Variants in SPAG16 observed in about 807,000 individuals in gnomAD.
The protein encoded by SPAG16 is sperm associated antigen 16.
A neutral mutation model predicts 80.4 loss-of-function variants in SPAG16; 86 were observed. That is an observed-to-expected ratio of 1.07 (90% CI 0.90 to 1.28). The LOEUF is 1.28. Ranked by LOEUF, SPAG16 falls within the 50% of genes most tolerant of loss-of-function variation. The probability of loss-of-function intolerance (pLI) is 0.00; values close to 1 mark genes in which losing one functional copy is unlikely to be tolerated. For synonymous variants in SPAG16, 294 were observed against 265.9 expected (o/e 1.11, Z -1.03); for missense variants, 870 against 765.3 (o/e 1.14, Z -1.61).
intron 10 of SPAG16, among the ~76,000 whole-genome samples, chr2:213,770,856 G>A (rs776448194): frequency 3.9e-5 from 6 of 152,090 alleles, no homozygotes; most frequent in Non-Finnish European, 8.8e-5. Context: ...TCTTTATCCA[G>A]TCTATCATTG....
At chr2:214,196,081 G>A (rs747906696) in intron 15 of SPAG16, among the ~76,000 whole-genome samples, 2 of 151,864 alleles carry the variant, frequency 1.3e-5, no homozygotes, top group East Asian at 3.9e-4. Context: ...AAAATTTCAG[G>A]CCCTTAAAGA....
chr2:213,305,096 T>A (rs529752329), intron 3 of SPAG16, among the ~76,000 whole-genome samples: 1 of 152,288 alleles, frequency 6.6e-6, no homozygotes, highest in South Asian at 2.1e-4. Context: ...CTCACTTGAT[T>A]GGTTAAGTTA....
intron 13 of SPAG16, among the ~76,000 whole-genome samples, chr2:214,039,865 C>A (rs2048913582): frequency 6.6e-6 from 1 of 152,148 alleles, no homozygotes; most frequent in South Asian, 2.1e-4. Context: ...ACTTTAGGGG[C>A]TAGGGTTTTT....
At chr2:214,314,804 C>T (rs548742845) in intron 15 of SPAG16, among the ~76,000 whole-genome samples, 7 of 151,996 alleles carry the variant, frequency 4.6e-5, no homozygotes, top group African/African-American at 1.4e-4. Flanking sequence ...AATAGTTGGG[C>T]GAAAGGTACT....
At chr2:213,774,108 T>G (rs1328261022) in intron 10 of SPAG16, among the ~76,000 whole-genome samples, 1 of 152,202 alleles carries the variant, frequency 6.6e-6, no homozygotes, top group Non-Finnish European at 1.5e-5. Flanking sequence ...GATGTTCTGG[T>G]TAGATAATTC....
intron 10 of SPAG16, among the ~76,000 whole-genome samples, chr2:213,773,141 T>C (rs981910138): frequency 2.0e-5 from 3 of 152,132 alleles, no homozygotes; most frequent in Non-Finnish European, 4.4e-5. Context: ...CTTTTTATCA[T>C]TTTTTTAATT....
intron 10 of SPAG16, among the ~76,000 whole-genome samples, chr2:213,804,271 C>T (rs1262241941): frequency 6.6e-6 from 1 of 152,094 alleles, no homozygotes; most frequent in Non-Finnish European, 1.5e-5. Flanking sequence ...TGCCACAAAC[C>T]CATGCCTTAG....
intron 10 of SPAG16, among the ~76,000 whole-genome samples, chr2:213,739,133 T>G (rs1162624497): frequency 1.3e-5 from 2 of 152,240 alleles, no homozygotes; most frequent in Non-Finnish European, 2.9e-5. Flanking sequence ...CATCTTATTA[T>G]TATCCTAGTA....
At chr2:214,255,605 A>G (rs1427646184) in intron 15 of SPAG16, among the ~76,000 whole-genome samples, 1 of 151,904 alleles carries the variant, frequency 6.6e-6, no homozygotes, top group African/African-American at 2.4e-5. Context: ...AATCTCTACC[A>G]GATATGGAAT....
intron 15 of SPAG16, among the ~76,000 whole-genome samples, chr2:214,163,937 A>G (rs924198755): frequency 6.6e-6 from 1 of 152,048 alleles, no homozygotes; most frequent in Non-Finnish European, 1.5e-5. Context: ...GAGTTCAAGT[A>G]CTAATCACGT....
At chr2:213,642,313 C>G (rs966526602) in intron 10 of SPAG16, among the ~76,000 whole-genome samples, 4 of 152,194 alleles carry the variant, frequency 2.6e-5, no homozygotes, top group African/African-American at 9.7e-5. Flanking sequence ...CATGCTAGTT[C>G]TGTCCATCTG....
chr2:213,618,384 A>T (rs1363865140), intron 10 of SPAG16, among the ~76,000 whole-genome samples: 4 of 152,178 alleles, frequency 2.6e-5, no homozygotes, highest in Non-Finnish European at 5.9e-5. Context: ...TCATTATCTG[A>T]TTAATAAGCA....
intron 13 of SPAG16, among the ~76,000 whole-genome samples, chr2:214,063,529 T>C (rs1415112065): frequency 6.6e-6 from 1 of 152,104 alleles, no homozygotes; most frequent in African/African-American, 2.4e-5. Flanking sequence ...CTCCAGCTTT[T>C]TTATCAGGTC....
chr2:213,829,713 A>C (rs1363553720), intron 10 of SPAG16, among the ~76,000 whole-genome samples: 2 of 152,158 alleles, frequency 1.3e-5, no homozygotes, highest in African/African-American at 4.8e-5. Flanking sequence ...TTTCATCAGT[A>C]GGTAATGAAT....
chr2:213,835,145 A>C (rs915376914), intron 10 of SPAG16, among the ~76,000 whole-genome samples: 5 of 152,150 alleles, frequency 3.3e-5, no homozygotes, highest in African/African-American at 1.2e-4. Context: ...TTATCAACAC[A>C]CAGACACAAA....
intron 15 of SPAG16, among the ~76,000 whole-genome samples, chr2:214,408,953 CAGATAAATAGTACT>C (rs1702150526): frequency 6.6e-6 from 1 of 151,552 alleles, no homozygotes. Context: ...ATTTAAAATA[CAGATAAATAGTACT>C]ATTTAAAATA....
intron 10 of SPAG16, among the ~76,000 whole-genome samples, chr2:213,684,850 C>T (rs188008017): frequency 3.6e-4 from 55 of 152,252 alleles, no homozygotes; most frequent in African/African-American, 1.2e-3. Context: ...TGTATCCTCA[C>T]GGATTTAACA....
chr2:213,439,049 C>T (rs1003761363), intron 9 of SPAG16, among the ~76,000 whole-genome samples: 1 of 152,146 alleles, frequency 6.6e-6, no homozygotes, highest in Non-Finnish European at 1.5e-5. Flanking sequence ...GATGAAGACT[C>T]GGAGACTCAG....
chr2:213,721,487 G>C (rs1043999131), intron 10 of SPAG16, among the ~76,000 whole-genome samples: 1 of 152,176 alleles, frequency 6.6e-6, no homozygotes, highest in Admixed American at 6.5e-5. Context: ...TAGTCATTTA[G>C]AAATGATACA....
Sources: allele counts gnomAD v4.1 joint callset (sites outside exome capture counted in the v4.1 genomes callset), GRCh38; gene constraint gnomAD v4.1.1; transcripts MANE v1.5; gene names NCBI Gene and HGNC (gene_info 2026-07-23, HGNC 2026-07-21).